GPD2: variants seen among roughly 807,000 people sequenced by gnomAD.
GPD2 encodes glycerol-3-phosphate dehydrogenase 2.
GPD2 carries 54 observed loss-of-function variants against 82.4 expected under a neutral mutation model. That is an observed-to-expected ratio of 0.66 (90% CI 0.53 to 0.82). GPD2 has a LOEUF of 0.82. Among genes scored for constraint, GPD2 ranks in the 40% least tolerant of loss-of-function variants. GPD2 has a pLI of 0.00. For missense variants in GPD2, 748 were observed against 896.2 expected (o/e 0.83, Z 2.11); for synonymous variants, 288 against 306.1 (o/e 0.94, Z 0.62).
intron 8 of GPD2, among the ~76,000 whole-genome samples, chr2:156,554,829 A>G (rs1686900752): frequency 6.6e-6 from 1 of 152,238 alleles, no homozygotes; most frequent in Non-Finnish European, 1.5e-5. Context: ...TAGCTCTAAC[A>G]CTGATTGCTA....
Position 156,583,167 on chromosome 2 carries a change from T to A in GPD2, c.*249T>A. Reference sequence around the variant, plus strand: ...TTTTCTCATTTTCAATGCACATTAGTTTTGCATCTGTTTTGTGACCTGTTA... The same window carrying A: ...TTTTCTCATTTTCAATGCACATTAGATTTGCATCTGTTTTGTGACCTGTTA... On this transcript the variant is annotated 3_prime_UTR_variant, in exon 17 of 17. Transcript: ENST00000438166. 1 of 459,802 alleles carries A rather than the reference T, an allele frequency of 2.2e-6. No homozygotes were observed. The highest frequency in any genetic ancestry group is 4.4e-5 in the East Asian group (1 of 22,866). The allele number at this position is 459,802 out of a possible 1,614,324, so 28.5% of individuals were successfully genotyped here. A position where few individuals can be genotyped will look rare whatever the true frequency, so the allele number is the denominator to read the frequency against.
chr2:156,429,730 C>T, the GPD2 span, among the ~76,000 whole-genome samples: 1 of 152,180 alleles, frequency 6.6e-6, no homozygotes, highest in Non-Finnish European at 1.5e-5. Context: ...TTGATTCTAA[C>T]TCTTTCAGAA....
chr2:156,426,741 G>C, the GPD2 span, among the ~76,000 whole-genome samples: 1 of 152,028 alleles, frequency 6.6e-6, no homozygotes, highest in Non-Finnish European at 1.5e-5. Context: ...TATATAGAGA[G>C]AACAAACTGG....
At chr2:156,573,351 A>C (rs1445332328) in intron 13 of GPD2, among the ~76,000 whole-genome samples, 1 of 152,166 alleles carries the variant, frequency 6.6e-6, no homozygotes, top group South Asian at 2.1e-4. Flanking sequence ...CTGTGTCTGC[A>C]TTAGCTGTAC....
At chr2:156,489,577 G>A (rs909913915) in intron 2 of GPD2, among the ~76,000 whole-genome samples, 1 of 152,042 alleles carries the variant, frequency 6.6e-6, no homozygotes, top group Non-Finnish European at 1.5e-5. Flanking sequence ...TGTTCCCTGG[G>A]CTATAGAATC....
chr2:156,414,382 T>A, the GPD2 span, among the ~76,000 whole-genome samples: 1 of 152,364 alleles, frequency 6.6e-6, no homozygotes, highest in Admixed American at 6.5e-5. Context: ...AGTTCTGTGA[T>A]AATTGATGTG....
At chr2:156,497,507 A>T (rs191565350) in intron 3 of GPD2, among the ~76,000 whole-genome samples, 190 of 152,334 alleles carry the variant, frequency 1.2e-3, no homozygotes, top group African/African-American at 4.4e-3. Context: ...TTATATTTTA[A>T]CACTGAATGG....
chr2:156,531,604 A>G (rs551997226), intron 6 of GPD2, among the ~76,000 whole-genome samples: 4 of 152,340 alleles, frequency 2.6e-5, no homozygotes, highest in South Asian at 2.1e-4. Flanking sequence ...TGGCACCTGC[A>G]TGTGGAGGCC....
chr2:156,567,997 C>A (rs1687452567), intron 9 of GPD2, among the ~76,000 whole-genome samples: 1 of 151,976 alleles, frequency 6.6e-6, no homozygotes, highest in Non-Finnish European at 1.5e-5. Flanking sequence ...AGCCAGTATA[C>A]CTGTTTCTGT....
At chr2:156,477,762 C>T (rs1340304232) in intron 2 of GPD2, among the ~76,000 whole-genome samples, 1 of 152,124 alleles carries the variant, frequency 6.6e-6, no homozygotes, top group African/African-American at 2.4e-5. Flanking sequence ...GAAACTCTTC[C>T]TCATCCATTG....
rs115153689 is a variant in GPD2 at position 156,513,802 on chromosome 2, A to G, written c.661+306A>G. ...TTTGGTCCCCACCCTCATGCCATGT[A>G]ATTTGTTATGTGTTTGCTAGTGAAT... On this transcript the variant is annotated intron_variant, in intron 6 of 16. Coordinates refer to ENST00000438166, the MANE Select transcript of GPD2 (RefSeq NM_000408.5). Among the ~76,000 whole-genome samples, 1,212 of 152,154 alleles carry G rather than the reference A, an allele frequency of 8.0e-3. 5 individuals are homozygous for G. Among genetic ancestry groups the G allele is most frequent in the Non-Finnish European group, 0.014 (951 of 67,986 alleles).
At chr2:156,405,107 G>A in the GPD2 span, among the ~76,000 whole-genome samples, 5 of 152,294 alleles carry the variant, frequency 3.3e-5, no homozygotes, top group Admixed American at 3.3e-4. Context: ...GGAGTAGAGA[G>A]GTGACGAGGT....
In GPD2 at chr2:156,532,682, C is replaced by T. The variant is rs115024841; in HGVS notation, c.662-16926C>T. ...TGGCAATAGGAGTTACTGGAGGGCA[C>T]TGCCACCCAGAAACTGGATGAAACC... On this transcript the variant is annotated intron_variant, in intron 6 of 16. Coordinates refer to ENST00000438166, the MANE Select transcript of GPD2 (RefSeq NM_000408.5). Among the ~76,000 whole-genome samples the T allele has an allele frequency of 9.6e-3, 1,456 of 152,272 alleles. 12 individuals carry two copies. Among genetic ancestry groups the T allele is most frequent in the Non-Finnish European group, 0.016 (1,077 of 68,014 alleles).
chr2:156,415,473 T>C, the GPD2 span, among the ~76,000 whole-genome samples: 6 of 152,106 alleles, frequency 3.9e-5, no homozygotes, highest in Admixed American at 2.6e-4. Flanking sequence ...ATCATTCTTA[T>C]GCCTTTGTGT....
chr2:156,580,563 CA>C (rs1185166333), intron 16 of GPD2, among the ~76,000 whole-genome samples: 1 of 152,096 alleles, frequency 6.6e-6, no homozygotes, highest in Non-Finnish European at 1.5e-5. Flanking sequence ...GCTTCTTGGG[CA>C]GGTATTTCAA....
chr2:156,560,232 C>T (rs998003741), intron 9 of GPD2, among the ~76,000 whole-genome samples: 14 of 152,090 alleles, frequency 9.2e-5, no homozygotes, highest in South Asian at 4.2e-4. Context: ...GTGAAGTGAG[C>T]GTGGGGCTTT....
In GPD2 at chr2:156,550,690, A is replaced by C. The variant is rs372015792; in HGVS notation, c.915A>C (p.Ala305=). ...TGCGCAAAATGGATGATAAAGACGCAGCAGCTATCTGCCAGCCAAGTGCTG... is the reference window on the plus strand; with the variant it reads ...TGCGCAAAATGGATGATAAAGACGCCGCAGCTATCTGCCAGCCAAGTGCTG... ...DSVRKMDDKD[A]AAICQPSAGV... Residue 305 remains alanine (A), a synonymous_variant, in exon 8 of 17, where the codon GCA becomes GCC. Transcript: ENST00000438166. 20 of 1,613,902 alleles carry C rather than the reference A, an allele frequency of 1.2e-5. No individual in the cohort carries two copies. The East Asian group carries it at 4.5e-4, about 36-fold the overall frequency.
chr2:156,546,007 A>T (rs1686517611), intron 6 of GPD2, among the ~76,000 whole-genome samples: 1 of 152,322 alleles, frequency 6.6e-6, no homozygotes, highest in South Asian at 2.1e-4. Flanking sequence ...ATCAACCTTC[A>T]TTCTTTTTGG....
intron 1 of GPD2, among the ~76,000 whole-genome samples, chr2:156,446,876 G>A (rs765336429): frequency 8.5e-5 from 13 of 152,130 alleles, no homozygotes; most frequent in Non-Finnish European, 1.9e-4. Flanking sequence ...TATTCTGAGA[G>A]AATTGAAATA....
Sources: gnomAD v4.1 joint callset for allele counts (sites outside exome capture counted in the v4.1 genomes callset) on GRCh38, gnomAD v4.1.1 for gene constraint, MANE v1.5 for transcripts, NCBI Gene and HGNC (gene_info 2026-07-23, HGNC 2026-07-21) for gene names.